LINGO2: variants seen among roughly 807,000 people sequenced by gnomAD.
The protein encoded by LINGO2 is leucine rich repeat and Ig domain containing 2.
LINGO2 carries 14 observed loss-of-function variants against 30.6 expected under a neutral mutation model. That is an observed-to-expected ratio of 0.46 (90% CI 0.30 to 0.72). The LOEUF (loss-of-function observed/expected upper bound fraction) is 0.72, where lower values mean the gene tolerates loss of function less well. Ranked by LOEUF, LINGO2 falls within the 30% of genes least tolerant of loss-of-function variation. The pLI is 0.07. For synonymous variants in LINGO2, 317 were observed against 288.5 expected (o/e 1.10, Z -1.00); for missense variants, 729 against 751.7 (o/e 0.97, Z 0.35).
the LINGO2 span, among the ~76,000 whole-genome samples, chr9:29,132,212 AG>A: frequency 7.9e-5 from 12 of 151,824 alleles, no homozygotes; most frequent in African/African-American, 2.9e-4. Flanking sequence ...ACGTTCCTCG[AG>A]GGGGGGAAAT....
intron 4 of LINGO2, among the ~76,000 whole-genome samples, chr9:28,098,442 G>A (rs535441773): frequency 6.6e-6 from 1 of 152,196 alleles, no homozygotes; most frequent in African/African-American, 2.4e-5. Context: ...CTTTGTCACT[G>A]TCTGTTTCCT....
At chr9:28,316,484 C>T (rs1347351907) in intron 3 of LINGO2, among the ~76,000 whole-genome samples, 4 of 151,954 alleles carry the variant, frequency 2.6e-5, no homozygotes, top group Non-Finnish European at 5.9e-5. Flanking sequence ...GGAATAGAGG[C>T]AAAGAAGTGG....
intron 1 of LINGO2, among the ~76,000 whole-genome samples, chr9:28,566,944 T>C (rs1823415036): frequency 6.6e-6 from 1 of 152,188 alleles, no homozygotes; most frequent in Non-Finnish European, 1.5e-5. Flanking sequence ...GCAAAACCAA[T>C]AGTTGATATG....
At chr9:28,786,837 G>T in the LINGO2 span, among the ~76,000 whole-genome samples, 8 of 152,156 alleles carry the variant, frequency 5.3e-5, no homozygotes, top group East Asian at 1.5e-3. Context: ...AAGAAAATAA[G>T]GCTACTAAAG....
chr9:28,921,494 A>T, the LINGO2 span, among the ~76,000 whole-genome samples: 3 of 152,188 alleles, frequency 2.0e-5, no homozygotes, highest in East Asian at 5.8e-4. Flanking sequence ...ACTTGATTAG[A>T]AAAAGGTATT....
At chr9:29,082,663 A>C in the LINGO2 span, among the ~76,000 whole-genome samples, 1 of 152,134 alleles carries the variant, frequency 6.6e-6, no homozygotes, top group South Asian at 2.1e-4. Flanking sequence ...AATGGGAGAA[A>C]ATTTTTGCAA....
chr9:28,507,648 GC>G (rs1317142242), intron 1 of LINGO2, among the ~76,000 whole-genome samples: 1 of 151,994 alleles, frequency 6.6e-6, no homozygotes, highest in Non-Finnish European at 1.5e-5. Context: ...ATACATACAC[GC>G]CTACATATAA....
At chr9:28,741,977 C>T in the LINGO2 span, among the ~76,000 whole-genome samples, 2 of 151,650 alleles carry the variant, frequency 1.3e-5, no homozygotes, top group Non-Finnish European at 2.9e-5. Flanking sequence ...GTGAGGAAGG[C>T]CCAGAAACTA....
At chr9:28,169,390 A>G (rs1003383325) in intron 4 of LINGO2, among the ~76,000 whole-genome samples, 1 of 152,226 alleles carries the variant, frequency 6.6e-6, no homozygotes, top group African/African-American at 2.4e-5. Flanking sequence ...AGTAGTCCAG[A>G]ATTTCCAATC....
At chr9:28,178,055 T>C (rs1828797195) in intron 4 of LINGO2, among the ~76,000 whole-genome samples, 1 of 152,184 alleles carries the variant, frequency 6.6e-6, no homozygotes. Flanking sequence ...TCTGCACAGA[T>C]GCTAAAGTCC....
the LINGO2 span, among the ~76,000 whole-genome samples, chr9:28,996,088 T>A: frequency 6.6e-6 from 1 of 150,892 alleles, no homozygotes; most frequent in Non-Finnish European, 1.5e-5. Flanking sequence ...TTGATAGGCT[T>A]TTCTGTGAAT....
At chr9:28,139,138 C>T (rs1436820340) in intron 4 of LINGO2, among the ~76,000 whole-genome samples, 2 of 152,114 alleles carry the variant, frequency 1.3e-5, no homozygotes, top group African/African-American at 4.8e-5. Flanking sequence ...AGAGAGAGAG[C>T]CACAGTTGTG....
the LINGO2 span, among the ~76,000 whole-genome samples, chr9:28,943,130 T>A: frequency 6.6e-6 from 1 of 152,176 alleles, no homozygotes; most frequent in Non-Finnish European, 1.5e-5. Context: ...TATTAAGGGC[T>A]AAGGTAAAGA....
At chr9:28,622,781 G>A (rs1025642682) in intron 1 of LINGO2, among the ~76,000 whole-genome samples, 14 of 151,104 alleles carry the variant, frequency 9.3e-5, no homozygotes, top group African/African-American at 2.9e-4. Flanking sequence ...CTCCATAGTG[G>A]TTGTACTAAT....
At chr9:29,114,485 G>T in the LINGO2 span, among the ~76,000 whole-genome samples, 3 of 150,586 alleles carry the variant, frequency 2.0e-5, no homozygotes, top group Non-Finnish European at 4.4e-5. Context: ...CATGTACCAT[G>T]TTGGTGTGCT....
chr9:28,301,353 C>A (rs1824134187), intron 3 of LINGO2, among the ~76,000 whole-genome samples: 1 of 149,746 alleles, frequency 6.7e-6, no homozygotes, highest in Non-Finnish European at 1.5e-5. Context: ...TGGCAAAATC[C>A]ATGACAAGTT....
intron 5 of LINGO2, among the ~76,000 whole-genome samples, chr9:27,951,666 T>C (rs1563849836): frequency 6.6e-6 from 1 of 152,094 alleles, no homozygotes; most frequent in Admixed American, 6.6e-5. Context: ...ATAAAAGGTG[T>C]ATTACTGAGC....
chr9:28,367,107 A>ATATAT (rs1564153656), intron 3 of LINGO2, among the ~76,000 whole-genome samples: 1 of 135,902 alleles, frequency 7.4e-6, no homozygotes, highest in African/African-American at 2.8e-5. Flanking sequence ...TGGTTAAATC[A>ATATAT]AAAGTCAGCA....
At chr9:29,128,686 C>T in the LINGO2 span, among the ~76,000 whole-genome samples, 2 of 152,102 alleles carry the variant, frequency 1.3e-5, no homozygotes, top group Non-Finnish European at 1.5e-5. Context: ...CATTGGGTTA[C>T]CCACTGGGAC....
Sources: allele counts gnomAD v4.1 joint callset (sites outside exome capture counted in the v4.1 genomes callset), GRCh38; gene constraint gnomAD v4.1.1; transcripts MANE v1.5; gene names NCBI Gene and HGNC (gene_info 2026-07-23, HGNC 2026-07-21).